The following CLUL1 variants were observed in gnomAD, a reference collection of about 807,000 sequenced individuals.
CLUL1 encodes clusterin-like protein 1.
CLUL1 carries 43 observed loss-of-function variants against 49.4 expected under a neutral mutation model. The observed-to-expected ratio is 0.87, with a 90% CI of 0.68 to 1.12. The LOEUF (loss-of-function observed/expected upper bound fraction) is 1.12, where lower values mean the gene tolerates loss of function less well. Among genes scored for constraint, CLUL1 ranks in the 50% most tolerant of loss-of-function variants. CLUL1 has a pLI of 0.00. For synonymous variants in CLUL1, 192 were observed against 184.9 expected (o/e 1.04, Z -0.31); for missense variants, 486 against 544.4 (o/e 0.89, Z 1.07).
chr18:634,466 A>T lies in CLUL1; in HGVS notation c.994+1031A>T, dbSNP rs189896888. 8.3e-4 allele frequency among the ~76,000 whole-genome samples: 126 copies of T among 152,170 alleles called. 1 individual carries two copies. Among genetic ancestry groups the T allele is most frequent in the Admixed American group, 9.8e-4 (15 of 15,272 alleles). ...AACTTTTATTATTCCAAAGTATGTC[A>T]TTCTTTCACTTTCTTTAATTCCCTA... On this transcript the variant is annotated intron_variant, in intron 7 of 9. Transcript: ENST00000692774.
rs568264636 is a variant in CLUL1 at position 598,938 on chromosome 18, T to G, written c.-136+1809T>G. Among the ~76,000 whole-genome samples the G allele has an allele frequency of 3.9e-5, 6 of 152,358 alleles. No homozygotes were observed. In the South Asian group the frequency reaches 1.2e-3, roughly 32 times the overall value. ...CTTTAAAAATATGTCCATTGTTGTC[T>G]GTTAACAGCTTTTGGCAACTTTTTC... On this transcript the variant is annotated intron_variant, in intron 1 of 9. Coordinates refer to ENST00000692774, the MANE Select transcript of CLUL1 (RefSeq NM_001393344.1).
chr18:626,935 GA>G (rs1388605476), intron 5 of CLUL1, among the ~76,000 whole-genome samples, 161 bp from the exon 6 acceptor site: 1,017 of 2,454 alleles, frequency 0.41, 320 homozygotes, highest in Non-Finnish European at 0.61. Context: ...AAGAAGGAAA[GA>G]AGGAAAGAAG....
chr18:629,508 A>G (rs1555633966), intron 6 of CLUL1, among the ~76,000 whole-genome samples: 1 of 151,888 alleles, frequency 6.6e-6, no homozygotes, highest in Non-Finnish European at 1.5e-5. Context: ...AACCACTGTA[A>G]CCCCCTCCCA....
chr18:635,827 C>T (rs1415757003), intron 7 of CLUL1, among the ~76,000 whole-genome samples: 1 of 152,190 alleles, frequency 6.6e-6, no homozygotes, highest in Admixed American at 6.5e-5. Context: ...ACCTCTACCT[C>T]CTGAGTTCAA....
chr18:607,502 C>T (rs757080973), intron 2 of CLUL1, among the ~76,000 whole-genome samples: 5 of 152,148 alleles, frequency 3.3e-5, no homozygotes, highest in Non-Finnish European at 7.3e-5. Flanking sequence ...GGTGCAATCA[C>T]GATTCAGTGC....
chr18:611,062 T>G (rs957692177), intron 2 of CLUL1, among the ~76,000 whole-genome samples: 1 of 151,986 alleles, frequency 6.6e-6, no homozygotes, highest in African/African-American at 2.4e-5. Flanking sequence ...CCACTTCCCA[T>G]GCTCCTTGCT....
intron 4 of CLUL1, among the ~76,000 whole-genome samples, chr18:623,247 G>A (rs2073559282): frequency 6.6e-6 from 1 of 152,070 alleles, no homozygotes. Context: ...TGGCCAGGCT[G>A]TTCTCAAACT....
intron 2 of CLUL1, chr18:614,491 C>T (rs1329588184): frequency 6.6e-6 from 1 of 152,152 alleles, no homozygotes; most frequent in Non-Finnish European, 1.5e-5. Context: ...TGCATATTCT[C>T]CTCAACTTTT....
chr18:635,970 C>T (rs2074126325), intron 7 of CLUL1, among the ~76,000 whole-genome samples: 1 of 152,058 alleles, frequency 6.6e-6, no homozygotes, highest in South Asian at 2.1e-4. Context: ...CTCCTGACCT[C>T]GTGATCCTCC....
chr18:646,126 C>G (rs550740204), intron 9 of CLUL1, among the ~76,000 whole-genome samples: 9 of 151,484 alleles, frequency 5.9e-5, no homozygotes, highest in Admixed American at 6.6e-5. Flanking sequence ...GTTCTCTCTC[C>G]GACTCCATCA....
intron 2 of CLUL1, among the ~76,000 whole-genome samples, chr18:609,056 G>A (rs773578541): frequency 2.7e-4 from 41 of 152,068 alleles, no homozygotes; most frequent in Non-Finnish European, 4.4e-5. Flanking sequence ...TGAAATATTT[G>A]CATATACACA....
chr18:649,978 G>T lies in CLUL1; in HGVS notation c.*77G>T. ...GACCTGGAAATCCTGAAATAAAAAA[G>T]GATAATGCAATAAACACAGTTGCAG... On this transcript the variant is annotated 3_prime_UTR_variant, in exon 10 of 10. Coordinates refer to ENST00000692774, the MANE Select transcript of CLUL1 (RefSeq NM_001393344.1). 1 of 997,548 alleles carries T rather than the reference G, an allele frequency of 1.0e-6. No homozygotes were observed. The allele number at this position is 997,548 out of a possible 1,614,324, so 61.8% of individuals were successfully genotyped here. A position where few individuals can be genotyped will look rare whatever the true frequency, so the allele number is the denominator to read the frequency against.
intron 1 of CLUL1, chr18:597,907 G>A (rs904573771): frequency 6.6e-6 from 1 of 152,190 alleles, no homozygotes; most frequent in African/African-American, 2.4e-5. Flanking sequence ...GAAGTAAAGA[G>A]CTGCAGACAC....
chr18:628,548 T>C (rs552221690), intron 6 of CLUL1, among the ~76,000 whole-genome samples: 14 of 152,276 alleles, frequency 9.2e-5, no homozygotes, highest in East Asian at 7.7e-4. Flanking sequence ...CCTTTGTCAC[T>C]GTATTGACCC....
chr18:612,041 A>G (rs1169794455), intron 2 of CLUL1, among the ~76,000 whole-genome samples: 4 of 152,130 alleles, frequency 2.6e-5, no homozygotes, highest in Non-Finnish European at 5.9e-5. Flanking sequence ...CTCCAAAATA[A>G]GTTCCAAATC....
rs373326536 is a variant in CLUL1, at chr18:648,351, AT to A, written c.1398-1542del. ...ATTTACTAACAAGGCACACGAAGTG[AT>A]TTTTCACAGGCAATGTTAATGTTTT... is the stretch of plus-strand genomic sequence containing the variant. On this transcript the variant is annotated intron_variant, in intron 9 of 9. Transcript: ENST00000692774. 2.2e-4 allele frequency among the ~76,000 whole-genome samples: 34 copies of A among 152,320 alleles called. No homozygotes were observed. In the South Asian group the frequency reaches 6.8e-3, roughly 31 times the overall value.
intron 7 of CLUL1, among the ~76,000 whole-genome samples, chr18:636,005 G>C (rs1401285440): frequency 6.6e-6 from 1 of 152,138 alleles, no homozygotes; most frequent in Non-Finnish European, 1.5e-5. Context: ...AAAGCGCTGG[G>C]ATTACAGGTG....
chr18:616,339 A>C (rs750702533), intron 2 of CLUL1, among the ~76,000 whole-genome samples: 8 of 152,228 alleles, frequency 5.3e-5, no homozygotes, highest in Non-Finnish European at 8.8e-5. Context: ...CTGTGTAAAT[A>C]CACTTTTCGA....
intron 6 of CLUL1, 74 bp downstream of exon 6, chr18:627,603 G>C: frequency 5.9e-6 from 6 of 1,021,878 alleles, no homozygotes; most frequent in Non-Finnish European, 8.6e-6. Context: ...AGAAATGGTA[G>C]ACATTTCTGA....
Sources: allele counts gnomAD v4.1 joint callset (sites outside exome capture counted in the v4.1 genomes callset), GRCh38; gene constraint gnomAD v4.1.1; transcripts MANE v1.5; gene names NCBI Gene and HGNC (gene_info 2026-07-23, HGNC 2026-07-21).